TENM4: variants seen among roughly 807,000 people sequenced by gnomAD.
TENM4 encodes the protein teneurin-4.
Under a neutral mutation model 243.3 loss-of-function variants are expected in TENM4, and 82 were observed. That is an observed-to-expected ratio of 0.34 (90% confidence interval 0.28 to 0.40). The LOEUF (loss-of-function observed/expected upper bound fraction) is 0.40. Ranked by LOEUF, TENM4 falls within the 10% of genes least tolerant of loss-of-function variation. The probability of loss-of-function intolerance (pLI) is 1.00; values close to 1 mark genes in which losing one functional copy is unlikely to be tolerated. For missense variants in TENM4, 3,138 were observed against 3,673.3 expected, an observed-to-expected ratio of 0.85 and a Z score of 3.77; for synonymous variants, 1,412 against 1,456.3, an observed-to-expected ratio of 0.97 and a Z score of 0.69.
chr11:79,055,794 A>T (rs1475238705), intron 6 of TENM4, among the ~76,000 whole-genome samples: 1 of 152,170 alleles, frequency 6.6e-6, no homozygotes, highest in Non-Finnish European at 1.5e-5. Flanking sequence ...CTGAGTTGGG[A>T]TTCCAAGTTT....
In TENM4 at chr11:78,738,566, C is replaced by A; in HGVS notation, c.2761G>T (p.Ala921Ser). 1 of 1,613,578 alleles carries A rather than the reference C, an allele frequency of 6.2e-7. No homozygotes were observed. The highest frequency in any genetic ancestry group is 8.5e-7 in the Non-Finnish European group (1 of 1,179,676). The change falls in exon 20 of 34, where the codon GCT becomes TCT. Residue 921 changes from alanine to serine, a missense_variant. Physicochemically the swap from Ala to Ser is moderately conservative, Grantham distance 99 (BLOSUM62 1). Transcript: ENST00000278550. Reference protein sequence around the residue: ...PGENPFDGGHACVIRGQVMTS... With the variant: ...PGENPFDGGHSCVIRGQVMTS... ...ATCACTTGGCCACGAATAACACAAG[C>A]ATGCCTGTGGGAAGAGAAGAGAGAA...
At position 78,701,764 on chromosome 11, in the gene TENM4, C is replaced by T. The variant is rs771139493; in HGVS notation, c.4849G>A (p.Asp1617Asn). Reference sequence around the variant, plus strand: ...TTGTTGTCTGTGATGAGTGTGATGTCGCCGTCCCCAGTGTAGGTGAAGTTG... The same window carrying T: ...TTGTTGTCTGTGATGAGTGTGATGTTGCCGTCCCCAGTGTAGGTGAAGTTG... ...LYNFTYTGDG[D>N]ITLITDNNGN... is the part of the protein sequence containing the mutation. Residue 1617 changes from aspartate to asparagine, a missense_variant, in exon 28 of 34, where the codon GAC (aspartate) becomes AAC (asparagine). By Grantham distance (23) the Asp-to-Asn change is conservative (BLOSUM62 1). Transcript: ENST00000278550. 4.3e-6 allele frequency: 7 copies of T among 1,613,836 alleles called. No homozygotes were observed. Among genetic ancestry groups the T allele is most frequent in the Admixed American group, 1.7e-5 (1 of 59,998 alleles).
rs11237772 is a variant in TENM4, at chr11:79,237,613, G to T, written c.-264-21704C>A. Among the ~76,000 whole-genome samples the T allele has an allele frequency of 1.2e-3, 184 of 152,314 alleles. 4 individuals are homozygous for T. The East Asian group carries it at 0.028, about 23-fold the overall frequency. On this transcript the variant is annotated intron_variant, in intron 2 of 33. Coordinates refer to ENST00000278550, the MANE Select transcript of TENM4 (RefSeq NM_001098816.3). The stretch of plus-strand genomic sequence containing the variant: ...AATCACTTGAACCTGGGAGGTGGAG[G>T]TTGCAGTGAGCCAAGTTCGTACCAC...
At chr11:79,017,795 G>A (rs1446175291) in intron 6 of TENM4, among the ~76,000 whole-genome samples, 1 of 152,192 alleles carries the variant, frequency 6.6e-6, no homozygotes, top group Non-Finnish European at 1.5e-5. Context: ...TTAGGGAGCA[G>A]GTCCAGCCTC....
chr11:79,239,087 G>T (rs1340114039), intron 2 of TENM4, among the ~76,000 whole-genome samples: 4 of 152,304 alleles, frequency 2.6e-5, no homozygotes, highest in African/African-American at 9.6e-5. Context: ...TCTGTCTGCA[G>T]AGACAGCTCT....
chr11:78,843,372 A>G (rs1858307281), intron 12 of TENM4, among the ~76,000 whole-genome samples: 1 of 152,132 alleles, frequency 6.6e-6, no homozygotes, highest in South Asian at 2.1e-4. Flanking sequence ...TTGCAGTCCT[A>G]GCTATTTGGG....
intron 27 of TENM4, among the ~76,000 whole-genome samples, chr11:78,705,708 C>T (rs551923947): frequency 7.9e-5 from 12 of 152,128 alleles, no homozygotes; most frequent in African/African-American, 2.7e-4. Context: ...AATGAATGAA[C>T]GAAGGAAGGA....
chr11:79,016,202 AG>A (rs1222535570), intron 6 of TENM4, among the ~76,000 whole-genome samples: 2 of 152,186 alleles, frequency 1.3e-5, no homozygotes, highest in African/African-American at 4.8e-5. Context: ...AGGGGGCAAG[AG>A]TGGCAACAAG....
chr11:78,968,670 T>C (rs1428827241), intron 6 of TENM4, among the ~76,000 whole-genome samples: 1 of 152,162 alleles, frequency 6.6e-6, no homozygotes, highest in Non-Finnish European at 1.5e-5. Context: ...CTTCACAAGA[T>C]TTTTTCCTTA....
intron 7 of TENM4, among the ~76,000 whole-genome samples, chr11:78,893,408 G>A (rs1234882272): frequency 6.6e-6 from 1 of 152,206 alleles, no homozygotes; most frequent in East Asian, 1.9e-4. Context: ...AACCCAAAGT[G>A]TAATTTGGAT....
chr11:79,243,789 A>T (rs1462690871), intron 2 of TENM4, among the ~76,000 whole-genome samples: 1 of 152,230 alleles, frequency 6.6e-6, no homozygotes, highest in Non-Finnish European at 1.5e-5. Flanking sequence ...TGAGGCTCAG[A>T]TAAGTCATGT....
chr11:79,050,053 C>G (rs1859757551), intron 6 of TENM4, among the ~76,000 whole-genome samples: 1 of 152,190 alleles, frequency 6.6e-6, no homozygotes, highest in African/African-American at 2.4e-5. Flanking sequence ...CGGACCCAGG[C>G]TCCAAGGCCA....
rs539916915 is a variant in TENM4, at chr11:79,381,645, G to A, written c.-321+58864C>T. On this transcript the variant is annotated intron_variant, in intron 1 of 33. Coordinates refer to ENST00000278550, the MANE Select transcript of TENM4 (RefSeq NM_001098816.3). Reference sequence around the variant, plus strand: ...CAGTAAGCATTGGGATATTTGAATTGGATGGGTTCAAGGAGTACTGTGATA... The same window carrying A: ...CAGTAAGCATTGGGATATTTGAATTAGATGGGTTCAAGGAGTACTGTGATA... Among the ~76,000 whole-genome samples, 14 of 151,104 alleles carry A rather than the reference G, an allele frequency of 9.3e-5. 1 individual carries two copies. Among genetic ancestry groups the A allele is most frequent in the African/African-American group, 3.4e-4 (14 of 41,092 alleles).
intron 6 of TENM4, among the ~76,000 whole-genome samples, chr11:78,929,990 G>T (rs192667251): frequency 1.3e-5 from 2 of 152,176 alleles, no homozygotes; most frequent in Non-Finnish European, 2.9e-5. Flanking sequence ...CTGTGCCTCC[G>T]TCCTAAATGA....
At chr11:79,200,246 C>T (rs1863712589) in intron 3 of TENM4, among the ~76,000 whole-genome samples, 1 of 152,240 alleles carries the variant, frequency 6.6e-6, no homozygotes, top group Non-Finnish European at 1.5e-5. Context: ...GTCTCTTCCT[C>T]CAGTCTCAGA....
chr11:79,239,372 C>G (rs1221053796), intron 2 of TENM4, among the ~76,000 whole-genome samples: 3 of 152,212 alleles, frequency 2.0e-5, no homozygotes, highest in African/African-American at 7.2e-5. Context: ...TATTCTGAGT[C>G]AGACACTTCC....
In TENM4 at chr11:78,661,503, G is replaced by C; in HGVS notation, c.7497C>G (p.Pro2499=). The C allele has an allele frequency of 6.2e-7, 1 of 1,612,328 alleles. No individual in the cohort carries two copies. Among genetic ancestry groups the C allele is most frequent in the African/African-American group, 1.3e-5 (1 of 75,038 alleles). The part of the protein sequence containing the change: ...YPKPDMDAME[P]SYELIHTQMK... ...TCTGTGTGTGGATGAGCTCGTAGGA[G>C]GGTTCCATGGCATCCATGTCTGGTT... The change falls in exon 33 of 34, where the codon CCC becomes CCG. Residue 2499 remains proline, a synonymous_variant. Coordinates refer to ENST00000278550, the MANE Select transcript of TENM4 (RefSeq NM_001098816.3).
chr11:78,849,797 T>C (rs942230714), intron 12 of TENM4, among the ~76,000 whole-genome samples: 2 of 152,192 alleles, frequency 1.3e-5, no homozygotes, highest in African/African-American at 4.8e-5. Flanking sequence ...AAAATAAGAA[T>C]AATCATCTCA....
chr11:79,098,228 C>A (rs1056335175), intron 4 of TENM4, among the ~76,000 whole-genome samples: 8 of 151,612 alleles, frequency 5.3e-5, no homozygotes, highest in African/African-American at 9.7e-5. Flanking sequence ...CCCACCCCCC[C>A]CCATCTCCCA....
Sources: allele counts gnomAD v4.1 joint callset (sites outside exome capture counted in the v4.1 genomes callset), GRCh38; gene constraint gnomAD v4.1.1; transcripts MANE v1.5; gene names NCBI Gene and HGNC (gene_info 2026-07-23, HGNC 2026-07-21).